Variants in CAMTA1 observed in about 807,000 individuals in gnomAD.
CAMTA1 encodes the protein calmodulin-binding transcription activator 1.
In CAMTA1, 27 loss-of-function variants were observed where a neutral mutation model predicts 170.9. The observed-to-expected ratio is 0.16, with a 90% CI of 0.12 to 0.22. The LOEUF is 0.22. CAMTA1 is among the 10% of genes least tolerant of loss of function. The pLI is 1.00. For missense variants in CAMTA1, 1,619 were observed against 2,217.2 expected (o/e 0.73, Z 5.42); for synonymous variants, 833 against 891.5 (o/e 0.93, Z 1.17).
rs74050992 is a variant in CAMTA1 at position 6,792,838 on chromosome 1, G to A, written c.45+7263G>A. On this transcript the variant is annotated intron_variant, in intron 1 of 22. Transcript: ENST00000303635. ...CCGAAGGTAACTTCAAGGAAGATAT[G>A]CTTGTTTGGGGCTGTATTCATCACT... Among the ~76,000 whole-genome samples the A allele has an allele frequency of 2.6e-3, 396 of 152,246 alleles. 1 individual carries two copies. Among genetic ancestry groups the A allele is most frequent in the African/African-American group, 9.2e-3 (383 of 41,532 alleles).
At chr1:7,141,814 G>GATGA in intron 4 of CAMTA1, among the ~76,000 whole-genome samples, 2 of 152,266 alleles carry the variant, frequency 1.3e-5, no homozygotes, top group African/African-American at 4.8e-5. Context: ...TGAGAGACAG[G>GATGA]CAATGGTTAC....
chr1:7,127,951 T>C (rs1027508970), intron 4 of CAMTA1, among the ~76,000 whole-genome samples: 1 of 152,194 alleles, frequency 6.6e-6, no homozygotes, highest in African/African-American at 2.4e-5. Context: ...TTAGAGCGGC[T>C]CACAGTGCCT....
chr1:7,400,750 A>G (rs1469484776), intron 5 of CAMTA1, among the ~76,000 whole-genome samples: 1 of 152,168 alleles, frequency 6.6e-6, no homozygotes, highest in East Asian at 1.9e-4. Context: ...TGCTGTATCA[A>G]TATCAGTGAT....
At chr1:7,061,500 A>G (rs779421248) in intron 3 of CAMTA1, among the ~76,000 whole-genome samples, 85 of 151,896 alleles carry the variant, frequency 5.6e-4, no homozygotes, top group South Asian at 8.3e-4. Flanking sequence ...CACCTGGTGG[A>G]GGGTGTGTGG....
chr1:6,827,137 A>C (rs1647284294), intron 3 of CAMTA1, among the ~76,000 whole-genome samples: 2 of 152,254 alleles, frequency 1.3e-5, no homozygotes, highest in African/African-American at 4.8e-5. Flanking sequence ...AGGAAAATGC[A>C]TCCCATTCTC....
chr1:6,853,280 G>T (rs1240227155), intron 3 of CAMTA1: 2 of 152,182 alleles, frequency 1.3e-5, no homozygotes, highest in African/African-American at 4.8e-5. Context: ...CATATAAGTT[G>T]TGGGGGTGTT....
chr1:7,240,922 C>T (rs1490329162), intron 4 of CAMTA1, among the ~76,000 whole-genome samples: 2 of 152,176 alleles, frequency 1.3e-5, no homozygotes, highest in African/African-American at 4.8e-5. Context: ...ATTCTCACCG[C>T]TTCTATTCAA....
intron 5 of CAMTA1, among the ~76,000 whole-genome samples, chr1:7,398,154 GCTCTCTCTCTCTCTCTCT>G (rs371668581): frequency 3.8e-5 from 1 of 26,274 alleles, no homozygotes; most frequent in Non-Finnish European, 8.0e-5. Flanking sequence ...TAATAATATT[GCTCTCTCTCTCTCTCTCT>G]CTCTCTCTCT....
chr1:7,671,860 G>A (rs1463412788), intron 10 of CAMTA1, among the ~76,000 whole-genome samples: 1 of 152,152 alleles, frequency 6.6e-6, no homozygotes, highest in Non-Finnish European at 1.5e-5. Context: ...TGTCCCATGG[G>A]GTCAGGGACT....
At chr1:7,328,864 C>T (rs2082857109) in intron 5 of CAMTA1, among the ~76,000 whole-genome samples, 4 of 152,056 alleles carry the variant, frequency 2.6e-5, no homozygotes, top group Admixed American at 2.6e-4. Flanking sequence ...TCCTTTCTTG[C>T]TTTAAACAGA....
chr1:6,995,005 A>G (rs780157412), intron 3 of CAMTA1, among the ~76,000 whole-genome samples: 73 of 152,230 alleles, frequency 4.8e-4, no homozygotes, highest in Non-Finnish European at 4.9e-4. Context: ...GCCTTTCAAC[A>G]AATTTGGGAA....
intron 6 of CAMTA1, among the ~76,000 whole-genome samples, chr1:7,590,854 G>A (rs557998616): frequency 2.0e-5 from 3 of 152,340 alleles, no homozygotes; most frequent in East Asian, 1.9e-4. Context: ...CCAGGAGGCC[G>A]TCTGAGAATC....
intron 3 of CAMTA1, among the ~76,000 whole-genome samples, chr1:6,909,247 A>G (rs924131620): frequency 3.3e-5 from 5 of 152,248 alleles, no homozygotes; most frequent in African/African-American, 1.2e-4. Flanking sequence ...AAGGACACAC[A>G]AAGTCACCTA....
chr1:7,574,062 C>A (rs2095159190), intron 6 of CAMTA1, among the ~76,000 whole-genome samples: 2 of 152,182 alleles, frequency 1.3e-5, no homozygotes, highest in South Asian at 2.1e-4. Context: ...GCATGCATGA[C>A]CTCATCTTAA....
intron 4 of CAMTA1, among the ~76,000 whole-genome samples, chr1:7,226,099 AG>A (rs1381882071): frequency 1.3e-5 from 2 of 152,260 alleles, no homozygotes; most frequent in East Asian, 3.9e-4. Context: ...AGGATCCAAA[AG>A]GGGCTTTTTA....
chr1:7,492,751 A>G (rs560397492), intron 6 of CAMTA1, among the ~76,000 whole-genome samples: 13 of 143,238 alleles, frequency 9.1e-5, no homozygotes, highest in African/African-American at 2.4e-4. Context: ...ACGCGCGCAC[A>G]CACACACAAA....
intron 3 of CAMTA1, among the ~76,000 whole-genome samples, chr1:7,028,391 C>T (rs1702295465): frequency 6.6e-6 from 1 of 152,166 alleles, no homozygotes; most frequent in South Asian, 2.1e-4. Flanking sequence ...GAAATCACAG[C>T]ATGAGCCAAT....
chr1:7,376,170 A>C (rs560333182), intron 5 of CAMTA1, among the ~76,000 whole-genome samples: 1 of 152,380 alleles, frequency 6.6e-6, no homozygotes, highest in East Asian at 1.9e-4. Context: ...AAAGTGCAGA[A>C]GTATGAATAG....
intron 3 of CAMTA1, among the ~76,000 whole-genome samples, chr1:7,058,091 C>T (rs1488033148): frequency 1.3e-5 from 2 of 152,192 alleles, no homozygotes; most frequent in African/African-American, 4.8e-5. Flanking sequence ...CCCTTCCTCT[C>T]TTTCCCCTCA....
Sources: gnomAD v4.1 joint callset for allele counts (sites outside exome capture counted in the v4.1 genomes callset) on GRCh38, gnomAD v4.1.1 for gene constraint, MANE v1.5 for transcripts, NCBI Gene and HGNC (gene_info 2026-07-23, HGNC 2026-07-21) for gene names.